The following CACNA1C variants were observed in gnomAD, a reference collection of about 807,000 sequenced individuals.
CACNA1C encodes the protein calcium voltage-gated channel subunit alpha1 C.
In CACNA1C, 30 loss-of-function variants were observed where a neutral mutation model predicts 229.0. The ratio of observed to expected loss-of-function variants is 0.13; its 90% CI spans 0.10 to 0.18. The LOEUF (loss-of-function observed/expected upper bound fraction) is 0.18, where lower values mean the gene tolerates loss of function less well. Ranked by LOEUF, CACNA1C falls within the 10% of genes least tolerant of loss-of-function variation. CACNA1C has a pLI of 1.00. For missense variants in CACNA1C, 1,658 were observed against 2,845.0 expected (o/e 0.58, Z 9.49); for synonymous variants, 1,114 against 1,132.5 (o/e 0.98, Z 0.33).
At chr12:2,573,345 C>T (rs755428273) in intron 13 of CACNA1C, among the ~76,000 whole-genome samples, 2 of 152,222 alleles carry the variant, frequency 1.3e-5, no homozygotes, top group Non-Finnish European at 2.9e-5. Flanking sequence ...TACATCTCCA[C>T]TGTCTTCTCC....
intron 3 of CACNA1C, among the ~76,000 whole-genome samples, chr12:2,125,743 A>G (rs2089739713): frequency 6.6e-6 from 1 of 152,150 alleles, no homozygotes; most frequent in Admixed American, 6.5e-5. Flanking sequence ...CTTTGAGAAC[A>G]GTGACCTAGA....
chr12:2,220,383 G>A (rs532096481), intron 3 of CACNA1C, among the ~76,000 whole-genome samples: 64 of 152,296 alleles, frequency 4.2e-4, no homozygotes, highest in African/African-American at 1.4e-3. Flanking sequence ...TCAGGCATGG[G>A]GAACTGGTAC....
intron 1 of CACNA1C, among the ~76,000 whole-genome samples, chr12:2,039,576 G>C (rs1001178560): frequency 6.6e-6 from 1 of 152,218 alleles, no homozygotes; most frequent in Admixed American, 6.5e-5. Context: ...CCCTTGAGAT[G>C]TTGAGAGTCT....
At chr12:2,070,697 G>A (rs1055013812) in intron 1 of CACNA1C, among the ~76,000 whole-genome samples, 5 of 152,086 alleles carry the variant, frequency 3.3e-5, no homozygotes, top group Admixed American at 1.3e-4. Flanking sequence ...TTAGTGTTAC[G>A]CAGTTTTACA....
intron 3 of CACNA1C, among the ~76,000 whole-genome samples, chr12:2,229,053 G>A (rs966278662): frequency 2.0e-5 from 3 of 152,124 alleles, no homozygotes; most frequent in African/African-American, 7.2e-5. Context: ...TACTATTAGC[G>A]GGGCAAGTTC....
chr12:2,431,183 C>T (rs2099080488), intron 3 of CACNA1C, among the ~76,000 whole-genome samples: 1 of 152,200 alleles, frequency 6.6e-6, no homozygotes, highest in Admixed American at 6.5e-5. Context: ...TCCCCAGGTC[C>T]TCCCCAGGAT....
In CACNA1C at chr12:2,274,166, C is replaced by A. The variant is rs144222702; in HGVS notation, c.477+153736C>A. ...TCGTTTATGGCAGCAAGTCCTCGTCCTGTGGGCCCCATTTCTAAGCTGGAC... is the reference window on the plus strand; with the variant it reads ...TCGTTTATGGCAGCAAGTCCTCGTCATGTGGGCCCCATTTCTAAGCTGGAC... On this transcript the variant is annotated intron_variant, in intron 3 of 46. Coordinates refer to ENST00000399655, the MANE Select transcript of CACNA1C (RefSeq NM_000719.7). Among the ~76,000 whole-genome samples the A allele has an allele frequency of 5.3e-5, 8 of 152,320 alleles. No homozygotes were observed. In the East Asian group the frequency reaches 1.5e-3, roughly 29 times the overall value.
At position 2,120,315 on chromosome 12, in the gene CACNA1C, C is replaced by T. The variant is rs1243359713; in HGVS notation, c.372-10C>T. On this transcript the variant is annotated splice_polypyrimidine_tract_variant and intron_variant, in intron 2 of 46. Coordinates refer to ENST00000399655, the MANE Select transcript of CACNA1C (RefSeq NM_000719.7). ...TCTGTGGCATTAACTTCCTTGACTC[C>T]CTTTCTCAGACCATTTGAAATAATT... 1 of 1,369,396 alleles carries T rather than the reference C, an allele frequency of 7.3e-7. No homozygotes were observed. Among genetic ancestry groups the T allele is most frequent in the Non-Finnish European group, 1.0e-6 (1 of 956,622 alleles). The allele number at this position is 1,369,396 out of a possible 1,614,324, so 84.8% of individuals were successfully genotyped here.
chr12:2,144,034 C>T lies in CACNA1C; in HGVS notation c.477+23604C>T, dbSNP rs898814681. Among the ~76,000 whole-genome samples the T allele has an allele frequency of 2.6e-5, 4 of 151,348 alleles. 1 individual carries two copies. Among genetic ancestry groups the T allele is most frequent in the Non-Finnish European group, 5.9e-5 (4 of 67,702 alleles). ...CAGTAGGCTAGTTAGTTGGTCCAGT[C>T]AAACAAAGATGAACTGATCCCTGCT... On this transcript the variant is annotated intron_variant, in intron 3 of 46. Transcript: ENST00000399655.
chr12:2,518,151 G>C (rs892974310), intron 9 of CACNA1C, among the ~76,000 whole-genome samples: 1 of 152,218 alleles, frequency 6.6e-6, no homozygotes, highest in Non-Finnish European at 1.5e-5. Flanking sequence ...CTGCCCAACA[G>C]AGTCTAGGAT....
rs12307259 is a variant in CACNA1C at position 2,684,885 on chromosome 12, A to G, written c.5574-851A>G. ...TAAATCATCCAAGTCTCTGTGCTGT[A>G]CCATGAGCAGGCATGGAGTCACCCT... On this transcript the variant is annotated intron_variant, in intron 43 of 46. Coordinates refer to ENST00000399655, the MANE Select transcript of CACNA1C (RefSeq NM_000719.7). 7.3e-3 allele frequency among the ~76,000 whole-genome samples: 1,112 copies of G among 152,138 alleles called. 9 individuals carry two copies. The highest frequency in any genetic ancestry group is 9.4e-3 in the Non-Finnish European group (638 of 68,020).
chr12:2,160,311 G>A (rs1045429379), intron 3 of CACNA1C, among the ~76,000 whole-genome samples: 1 of 152,204 alleles, frequency 6.6e-6, no homozygotes, highest in African/African-American at 2.4e-5. Context: ...CTGACACATA[G>A]CAGACACTCA....
Position 2,665,758 on chromosome 12 carries a change from G to A in CACNA1C, c.4526+50G>A, listed in dbSNP as rs145515337. On this transcript the variant is annotated intron_variant, in intron 36 of 46. Transcript: ENST00000399655. This position sits in a 1 kb window ranked among gnomAD's most constrained non-coding sequence, Gnocchi z 5.9. ...ATTCCCCAAGCTGAGAGAGGGTATA[G>A]CTGACCATACCTGCAGGAGGGGCTC... 1.7e-4 allele frequency: 272 copies of A among 1,578,050 alleles called. No homozygotes were observed. The East Asian group carries it at 5.4e-3, about 31-fold the overall frequency.
chr12:2,451,600 C>T (rs2154563588), intron 4 of CACNA1C, among the ~76,000 whole-genome samples: 1 of 152,334 alleles, frequency 6.6e-6, no homozygotes, highest in Non-Finnish European at 1.5e-5. Flanking sequence ...GGGGCCCTGC[C>T]TGGGTTGACA....
chr12:2,320,860 T>A (rs761165753), intron 3 of CACNA1C, among the ~76,000 whole-genome samples: 26 of 151,986 alleles, frequency 1.7e-4, no homozygotes, highest in Non-Finnish European at 3.4e-4. Flanking sequence ...CCTGGGTGCT[T>A]GGAAACCCTC....
intron 18 of CACNA1C, among the ~76,000 whole-genome samples, chr12:2,589,830 A>G (rs1375578859): frequency 6.6e-6 from 1 of 152,242 alleles, no homozygotes; most frequent in Non-Finnish European, 1.5e-5. Flanking sequence ...AGAAGTGGTC[A>G]GGCTTGGGGT....
In CACNA1C at chr12:2,221,404, G is replaced by T. The variant is rs146742395; in HGVS notation, c.477+100974G>T. 3.5e-3 allele frequency among the ~76,000 whole-genome samples: 540 copies of T among 152,330 alleles called. 4 individuals carry two copies. Among genetic ancestry groups the T allele is most frequent in the African/African-American group, 0.012 (518 of 41,566 alleles). On this transcript the variant is annotated intron_variant, in intron 3 of 46. Coordinates refer to ENST00000399655, the MANE Select transcript of CACNA1C (RefSeq NM_000719.7). ...GGGACCAGGTGCCAGCAGTGGAGGT[G>T]AGATGAATGGACAGAATTTGGCCAG...
At chr12:2,580,871 T>G (rs2060229022) in intron 13 of CACNA1C, among the ~76,000 whole-genome samples, 1 of 152,166 alleles carries the variant, frequency 6.6e-6, no homozygotes, top group African/African-American at 2.4e-5. Flanking sequence ...CACCTGCTGA[T>G]CAGAATCCTG....
intron 34 of CACNA1C, among the ~76,000 whole-genome samples, chr12:2,657,727 T>G (rs1166272684): frequency 6.6e-6 from 1 of 152,098 alleles, no homozygotes; most frequent in Non-Finnish European, 1.5e-5. Flanking sequence ...AGCCTGTTTA[T>G]AACAGCTACA....
Sources: gnomAD v4.1 joint callset for allele counts (sites outside exome capture counted in the v4.1 genomes callset) on GRCh38, gnomAD v4.1.1 for gene constraint, Gnocchi (gnomAD v3.1) non-coding constraint, MANE v1.5 for transcripts, NCBI Gene and HGNC (gene_info 2026-07-23, HGNC 2026-07-21) for gene names.